Variants in PDE4D observed in about 807,000 individuals in gnomAD.
PDE4D encodes the protein 3',5'-cyclic-AMP phosphodiesterase 4D.
Under a neutral mutation model 87.4 loss-of-function variants are expected in PDE4D, and 24 were observed. The ratio of observed to expected loss-of-function variants is 0.27; its 90% CI spans 0.20 to 0.39. The LOEUF (loss-of-function observed/expected upper bound fraction) is 0.39, where lower values mean the gene tolerates loss of function less well. Ranked by LOEUF, PDE4D falls within the 10% of genes least tolerant of loss-of-function variation. The pLI is 1.00. For missense variants in PDE4D, 714 were observed against 1,041.0 expected (o/e 0.69, Z 4.32); for synonymous variants, 384 against 383.2 (o/e 1.00, Z -0.02).
intron 1 of PDE4D, among the ~76,000 whole-genome samples, chr5:59,628,023 T>C (rs298044): frequency 0.79 from 119,589 of 152,148 alleles, 47,057 homozygotes; most frequent in South Asian, 0.91. Flanking sequence ...ATTAATTATC[T>C]ATGCCTACTG....
intron 3 of PDE4D, among the ~76,000 whole-genome samples, chr5:59,978,628 G>A (rs1028946069): frequency 1.3e-5 from 2 of 152,160 alleles, no homozygotes; most frequent in African/African-American, 4.8e-5. Context: ...AAACTTAGTA[G>A]ATAAACCAGC....
At chr5:59,754,797 ATTT>A (rs754869518) in intron 1 of PDE4D, among the ~76,000 whole-genome samples, 1,988 of 96,828 alleles carry the variant, frequency 0.021, 217 homozygotes, top group African/African-American at 0.078. Context: ...TCCACAGAAC[ATTT>A]TTTTTTTTTT....
intron 1 of PDE4D, among the ~76,000 whole-genome samples, chr5:59,769,698 A>G (rs1007085890): frequency 3.9e-5 from 6 of 152,212 alleles, no homozygotes; most frequent in African/African-American, 1.4e-4. Context: ...AAGAAACTCA[A>G]ACCTTTGCAT....
At chr5:60,317,339 T>C (rs756527511) in intron 1 of PDE4D, among the ~76,000 whole-genome samples, 29 of 152,168 alleles carry the variant, frequency 1.9e-4, no homozygotes, top group Non-Finnish European at 3.8e-4. Context: ...TGATATCCCT[T>C]TTATTATTTT....
intron 1 of PDE4D, among the ~76,000 whole-genome samples, chr5:59,735,986 T>C (rs571145442): frequency 2.0e-5 from 3 of 151,924 alleles, no homozygotes; most frequent in Non-Finnish European, 4.4e-5. Context: ...AAAACTTCTT[T>C]ACAATAAAAA....
chr5:59,337,038 G>T (rs747167512), intron 1 of PDE4D, among the ~76,000 whole-genome samples: 1 of 152,126 alleles, frequency 6.6e-6, no homozygotes, highest in Non-Finnish European at 1.5e-5. Context: ...CTGTGAGCAG[G>T]CTCTAAAAAG....
At chr5:59,485,943 C>A (rs542138960) in intron 1 of PDE4D, among the ~76,000 whole-genome samples, 1 of 152,074 alleles carries the variant, frequency 6.6e-6, no homozygotes, top group Admixed American at 6.6e-5. Flanking sequence ...ATCTAAATAC[C>A]ATCAAAGCTA....
chr5:60,499,008 G>T (rs1732490061), intron 1 of PDE4D, among the ~76,000 whole-genome samples: 1 of 152,182 alleles, frequency 6.6e-6, no homozygotes. Flanking sequence ...CCTGCATCAT[G>T]AAACTCTTAC....
rs565228478 is a variant in PDE4D at position 59,917,563 on chromosome 5, A to G, written c.272+70925T>C. ...TAAATTTATAACCTATAATATATCA[A>G]TTAAACTCTCTGACTTTTAATGTCC... On this transcript the variant is annotated intron_variant, in intron 3 of 16. Coordinates refer to the PDE4D transcript ENST00000502484. Among the ~76,000 whole-genome samples the G allele has an allele frequency of 3.9e-5, 6 of 152,336 alleles. No individual in the cohort carries two copies. In the South Asian group the frequency reaches 1.2e-3, roughly 32 times the overall value.
chr5:59,190,964 C>G (rs200423912), intron 3 of PDE4D, among the ~76,000 whole-genome samples: 2 of 152,144 alleles, frequency 1.3e-5, no homozygotes, highest in Non-Finnish European at 2.9e-5. Context: ...AATGACCACT[C>G]TCTACAAGGT....
intron 1 of PDE4D, among the ~76,000 whole-genome samples, chr5:60,204,395 C>T (rs1742273303): frequency 1.3e-5 from 2 of 152,132 alleles, no homozygotes; most frequent in South Asian, 4.1e-4. Flanking sequence ...TGGAATAATC[C>T]TATTTCCAAT....
At chr5:59,408,883 A>G (rs1004707220) in intron 1 of PDE4D, among the ~76,000 whole-genome samples, 20 of 152,296 alleles carry the variant, frequency 1.3e-4, no homozygotes, top group African/African-American at 4.1e-4. Context: ...ATGATGGCTC[A>G]TGCCTGTAAT....
chr5:59,705,286 A>T (rs1357723591), intron 1 of PDE4D, among the ~76,000 whole-genome samples: 1 of 152,172 alleles, frequency 6.6e-6, no homozygotes, highest in East Asian at 1.9e-4. Flanking sequence ...AGCCTCCTTG[A>T]GTTAAAAGCC....
intron 1 of PDE4D, among the ~76,000 whole-genome samples, chr5:59,583,748 G>C (rs1472530737): frequency 6.6e-6 from 1 of 152,174 alleles, no homozygotes; most frequent in Non-Finnish European, 1.5e-5. Context: ...GTACAAGTAG[G>C]AACTCTGTGC....
intron 1 of PDE4D, among the ~76,000 whole-genome samples, chr5:60,210,908 A>G (rs1015129418): frequency 3.3e-5 from 5 of 152,112 alleles, no homozygotes; most frequent in African/African-American, 1.2e-4. Context: ...CTAATGGTGG[A>G]TGCTCTTTTA....
chr5:58,992,617 T>A (rs1748175914), intron 7 of PDE4D, among the ~76,000 whole-genome samples: 1 of 152,146 alleles, frequency 6.6e-6, no homozygotes, highest in Non-Finnish European at 1.5e-5. Context: ...TAGAGAATCA[T>A]AAATATTACC....
At chr5:59,411,853 T>C (rs1217110635) in intron 1 of PDE4D, among the ~76,000 whole-genome samples, 1 of 152,244 alleles carries the variant, frequency 6.6e-6, no homozygotes. Context: ...CCAAATGTAT[T>C]GCAAGTATTC....
At chr5:59,670,373 CTT>C (rs1240407962) in intron 1 of PDE4D, among the ~76,000 whole-genome samples, 1 of 152,166 alleles carries the variant, frequency 6.6e-6, no homozygotes, top group Admixed American at 6.5e-5. Context: ...CAATCCAAAA[CTT>C]TTTGAGTGCT....
Position 59,689,461 on chromosome 5 carries a change from G to T in PDE4D, c.455+203707C>A, listed in dbSNP as rs576863418. Among the ~76,000 whole-genome samples the T allele has an allele frequency of 8.5e-5, 13 of 152,240 alleles. No individual in the cohort carries two copies. The East Asian group carries it at 2.5e-3, about 29-fold the overall frequency. ...AATCCAGCATATAAACAGAACCAAA[G>T]ACAAAAGCCACATGATTCTCTCAAT... On this transcript the variant is annotated intron_variant, in intron 1 of 14. Transcript: ENST00000340635.
Sources: allele counts gnomAD v4.1 joint callset (sites outside exome capture counted in the v4.1 genomes callset), GRCh38; gene constraint gnomAD v4.1.1; transcripts MANE v1.5; gene names NCBI Gene and HGNC (gene_info 2026-07-23, HGNC 2026-07-21).